STK32A: variants seen among roughly 807,000 people sequenced by gnomAD.
The protein encoded by STK32A is serine/threonine kinase 32A.
In STK32A, 41 loss-of-function variants were observed where a neutral mutation model predicts 53.2. The observed-to-expected ratio is 0.77, with a 90% CI of 0.60 to 1.00. The LOEUF (loss-of-function observed/expected upper bound fraction) is 1.00, where lower values mean the gene tolerates loss of function less well. Ranked by LOEUF, STK32A falls within the 50% of genes least tolerant of loss-of-function variation. The pLI is 0.00. For synonymous variants in STK32A, 166 were observed against 162.8 expected, an observed-to-expected ratio of 1.02 and a Z score of -0.15; for missense variants, 458 against 485.8, an observed-to-expected ratio of 0.94 and a Z score of 0.54.
At chr5:147,334,289 T>C (rs1421750173) in intron 5 of STK32A, among the ~76,000 whole-genome samples, 1 of 152,226 alleles carries the variant, frequency 6.6e-6, no homozygotes, top group Non-Finnish European at 1.5e-5. Flanking sequence ...TCTCTTGATT[T>C]ACAATTAGCC....
At chr5:147,364,139 T>C (rs1581141049) in intron 8 of STK32A, among the ~76,000 whole-genome samples, 2 of 142,896 alleles carry the variant, frequency 1.4e-5, no homozygotes, top group East Asian at 4.1e-4. Context: ...CACTTGAACC[T>C]GGGAGGTAGA....
At chr5:147,395,788 T>C in the STK32A span, 31 of 1,572,056 alleles carry the variant, frequency 2.0e-5, no homozygotes, top group Non-Finnish European at 2.4e-5. Flanking sequence ...CTAGGTATCA[T>C]AAATATATTA....
chr5:147,260,518 C>T (rs560757506), intron 2 of STK32A, among the ~76,000 whole-genome samples: 3 of 152,050 alleles, frequency 2.0e-5, no homozygotes, highest in South Asian at 4.2e-4. Flanking sequence ...AAGTTTCAAC[C>T]CCTCAAACCA....
rs1755493976 is a variant in STK32A, at chr5:147,342,791, G to A, written c.435-215G>A. The A allele has an allele frequency of 5.6e-6, 3 of 535,746 alleles. No individual in the cohort carries two copies. In the East Asian group the frequency reaches 8.9e-5, roughly 16 times the overall value. 33.2% of individuals were successfully genotyped at this position (535,746 alleles called of 1,614,324 possible). A position where few individuals can be genotyped will look rare whatever the true frequency, so the allele number is the denominator to read the frequency against. On this transcript the variant is annotated intron_variant, in intron 5 of 12. Transcript: ENST00000397936. ...CAGAGCCCATTTCTTCCATTTACTAGCCTGTGACCTTGGGTTAAGCTTCAG... is the reference window on the plus strand; with the variant it reads ...CAGAGCCCATTTCTTCCATTTACTAACCTGTGACCTTGGGTTAAGCTTCAG...
At chr5:147,265,152 T>TTA (rs1754751314) in intron 2 of STK32A, among the ~76,000 whole-genome samples, 12 of 148,810 alleles carry the variant, frequency 8.1e-5, no homozygotes, top group Admixed American at 6.1e-4. Context: ...TTATATATAT[T>TTA]TATATATATA....
intron 2 of STK32A, among the ~76,000 whole-genome samples, chr5:147,271,860 C>A (rs1359725825): frequency 6.6e-6 from 1 of 152,160 alleles, no homozygotes; most frequent in Non-Finnish European, 1.5e-5. Context: ...ATTTTAATTT[C>A]GCCCCAGTCC....
the STK32A span, chr5:147,399,364 C>A: frequency 7.8e-7 from 1 of 1,276,024 alleles, no homozygotes. Flanking sequence ...CAAAAAGGAG[C>A]CACCTGAAAA....
At position 147,355,880 on chromosome 5, in the gene STK32A, T is replaced by A. The variant is rs141756144; in HGVS notation, c.562+4726T>A. Among the ~76,000 whole-genome samples, 16 of 151,736 alleles carry A rather than the reference T, an allele frequency of 1.1e-4. No individual in the cohort carries two copies. In the East Asian group the frequency reaches 2.5e-3, roughly 24 times the overall value. ...TCCCTTTGCCAATAGATATTTATGG[T>A]TTATTTCCAGACATTTTTTCCTAAG... On this transcript the variant is annotated intron_variant, in intron 7 of 12. Transcript: ENST00000397936.
At chr5:147,351,813 C>T (rs760438786) in intron 7 of STK32A, among the ~76,000 whole-genome samples, 1 of 152,148 alleles carries the variant, frequency 6.6e-6, no homozygotes, top group Non-Finnish European at 1.5e-5. Context: ...CGCCATTGCA[C>T]TCCAGCCTGG....
At chr5:147,294,095 G>C (rs556398587) in intron 4 of STK32A, among the ~76,000 whole-genome samples, 1 of 152,154 alleles carries the variant, frequency 6.6e-6, no homozygotes, top group South Asian at 2.1e-4. Flanking sequence ...CCAAAAGAGG[G>C]GCCCAGACTC....
intron 4 of STK32A, among the ~76,000 whole-genome samples, chr5:147,308,504 T>C (rs560658561): frequency 6.6e-6 from 1 of 152,306 alleles, no homozygotes; most frequent in African/African-American, 2.4e-5. Context: ...GGCAGGTTCA[T>C]TTCTTCCCTT....
chr5:147,377,332 C>T (rs561189251), intron 11 of STK32A, among the ~76,000 whole-genome samples: 1 of 151,996 alleles, frequency 6.6e-6, no homozygotes, highest in Non-Finnish European at 1.5e-5. Context: ...TGGTTTCCTT[C>T]CATGGTTTCC....
chr5:147,288,110 C>T (rs957675584), intron 4 of STK32A, among the ~76,000 whole-genome samples: 1 of 152,142 alleles, frequency 6.6e-6, no homozygotes, highest in African/African-American at 2.4e-5. Flanking sequence ...TTCTTTCCTT[C>T]TCACTTCTCA....
At chr5:147,289,741 A>G (rs1386367861) in intron 4 of STK32A, among the ~76,000 whole-genome samples, 7 of 152,048 alleles carry the variant, frequency 4.6e-5, no homozygotes, top group Non-Finnish European at 7.4e-5. Flanking sequence ...AGAAAAATGA[A>G]AATTCTTCAA....
chr5:147,318,689 T>A (rs539427798), intron 4 of STK32A, among the ~76,000 whole-genome samples: 1 of 151,192 alleles, frequency 6.6e-6, no homozygotes, highest in African/African-American at 2.4e-5. Flanking sequence ...GGTGGGAGGA[T>A]CATTTGAACC....
intron 5 of STK32A, among the ~76,000 whole-genome samples, chr5:147,335,920 G>T (rs181532270): frequency 2.6e-5 from 4 of 152,326 alleles, no homozygotes; most frequent in African/African-American, 9.6e-5. Flanking sequence ...TGAAGAATGC[G>T]TATTAGAAAG....
chr5:147,364,964 T>C (rs1438047423), intron 8 of STK32A, among the ~76,000 whole-genome samples: 1 of 152,202 alleles, frequency 6.6e-6, no homozygotes, highest in Non-Finnish European at 1.5e-5. Context: ...GACCTGACTT[T>C]AGGAGCTTGT....
At chr5:147,394,880 CTT>C in the STK32A span, among the ~76,000 whole-genome samples, 1 of 152,112 alleles carries the variant, frequency 6.6e-6, no homozygotes, top group Non-Finnish European at 1.5e-5. Flanking sequence ...CTTTAAATGT[CTT>C]TCTTTTCTTG....
At chr5:147,282,872 C>A (rs943406724) in intron 4 of STK32A, among the ~76,000 whole-genome samples, 1 of 152,136 alleles carries the variant, frequency 6.6e-6, no homozygotes, top group Non-Finnish European at 1.5e-5. Flanking sequence ...CCACTGACAG[C>A]ACTAGACAGG....
Sources: allele counts gnomAD v4.1 joint callset (sites outside exome capture counted in the v4.1 genomes callset), GRCh38; gene constraint gnomAD v4.1.1; transcripts MANE v1.5; gene names NCBI Gene and HGNC (gene_info 2026-07-23, HGNC 2026-07-21).